Variants in DGKD observed in about 807,000 individuals in gnomAD.
The protein encoded by DGKD is diacylglycerol kinase delta, also known as DAG kinase delta.
Under a neutral mutation model 154.4 loss-of-function variants are expected in DGKD, and 68 were observed. The observed-to-expected ratio is 0.44, with a 90% confidence interval of 0.36 to 0.54. The LOEUF (loss-of-function observed/expected upper bound fraction) is 0.54, where lower values mean the gene tolerates loss of function less well. Among genes scored for constraint, DGKD ranks in the 20% least tolerant of loss-of-function variants. The pLI is 0.00. For synonymous variants in DGKD, 693 were observed against 638.0 expected (o/e 1.09, Z -1.30); for missense variants, 1,343 against 1,593.6 (o/e 0.84, Z 2.68).
chr2:233,388,592 C>G, intron 2 of DGKD: 1 of 412,192 alleles, frequency 2.4e-6, no homozygotes, highest in East Asian at 3.9e-5. Context: ...TTAATGTCAT[C>G]GGTAATGGGG....
In DGKD at chr2:233,354,562, C is replaced by G. The variant is rs776523076; in HGVS notation, c.44C>G (p.Pro15Arg). ...AGAPPPGPPQPPPPPPPEESS... is the reference protein window; with the variant it reads ...AGAPPPGPPQRPPPPPPEESS... ...GCCCCTCCGCCGGGTCCCCCGCAAC[C>G]GCCTCCGCCGCCGCCGCCCGAGGAG... The change falls in exon 1 of 30, where the codon CCG becomes CGG. Residue 15 changes from proline to arginine, a missense_variant. Physicochemically the swap from Pro to Arg is moderately radical, Grantham distance 103. This residue lies in a region of DGKD where 57 missense variants were observed against 27.8 expected (regional missense o/e 2.05). Coordinates refer to ENST00000264057, the MANE Select transcript of DGKD (RefSeq NM_152879.3). The surrounding 1 kb of genome is among the most constrained non-coding windows in gnomAD (Gnocchi z 4.8). The G allele has an allele frequency of 1.9e-6, 2 of 1,055,254 alleles. No homozygotes were observed. The allele number at this position is 1,055,254 out of a possible 1,614,324, so 65.4% of individuals were successfully genotyped here.
chr2:233,409,979 GTTTTC>G (rs1244617980), intron 3 of DGKD, among the ~76,000 whole-genome samples: 2 of 151,792 alleles, frequency 1.3e-5, no homozygotes, highest in African/African-American at 2.4e-5. Flanking sequence ...AGTCGATGCT[GTTTTC>G]TTTTCTTTTT....
intron 7 of DGKD, 54 bp from the exon 8 acceptor site, chr2:233,437,323 G>C (rs2062730819): frequency 7.9e-6 from 12 of 1,521,240 alleles, no homozygotes; most frequent in Non-Finnish European, 1.1e-5. Context: ...GAGGATTTCT[G>C]GTGTGTGTGA....
intron 1 of DGKD, among the ~76,000 whole-genome samples, chr2:233,368,658 C>T (rs1194588988): frequency 6.6e-6 from 1 of 152,178 alleles, no homozygotes; most frequent in Non-Finnish European, 1.5e-5. Context: ...CCAGTAGAGG[C>T]AAATGTTTCT....
chr2:233,403,688 G>A (rs1013161138), intron 3 of DGKD, among the ~76,000 whole-genome samples: 3 of 151,428 alleles, frequency 2.0e-5, no homozygotes, highest in Admixed American at 2.0e-4. Flanking sequence ...TGCCCAGGCC[G>A]GAGTGTAGTG....
At chr2:233,420,740 G>C (rs945162743) in intron 3 of DGKD, among the ~76,000 whole-genome samples, 2 of 152,220 alleles carry the variant, frequency 1.3e-5, no homozygotes, top group Non-Finnish European at 2.9e-5. Flanking sequence ...TCTGGGGAAC[G>C]AGGCATGAAC....
rs2063330464 is a variant in DGKD, at chr2:233,452,614, C to T, written c.2264+554C>T. Among the ~76,000 whole-genome samples, 1 of 152,190 alleles carries T rather than the reference C, an allele frequency of 6.6e-6. No homozygotes were observed. The highest frequency in any genetic ancestry group is 2.4e-5 in the African/African-American group (1 of 41,444). On this transcript the variant is annotated intron_variant, in intron 18 of 29. Transcript: ENST00000264057. The surrounding 1 kb of genome is among the most constrained non-coding windows in gnomAD (Gnocchi z 4.0). Reference sequence around the variant, plus strand: ...GTGCTGAGGCTTATAAGGGCTGCTGCGTGCCTGCGTGCTGATACTGCTACT... The same window carrying T: ...GTGCTGAGGCTTATAAGGGCTGCTGTGTGCCTGCGTGCTGATACTGCTACT...
Position 233,471,719 on chromosome 2 carries a change from A to G in DGKD, c.*2259A>G, listed in dbSNP as rs1047125014. 6.6e-6 allele frequency: 1 copy of G among 152,388 alleles called. No individual in the cohort carries two copies. The highest frequency in any genetic ancestry group is 1.5e-5 in the Non-Finnish European group (1 of 68,040). 9.4% of individuals were successfully genotyped at this position (152,388 alleles called of 1,614,324 possible). On this transcript the variant is annotated 3_prime_UTR_variant, in exon 30 of 30. Coordinates refer to ENST00000264057, the MANE Select transcript of DGKD (RefSeq NM_152879.3). ...ACATAAAAACCATTTTTCTAATTCT[A>G]ACAAGTTAGAATGTGAGGAAGGAAT...
At position 233,470,440 on chromosome 2, in the gene DGKD, C is replaced by T. The variant is rs2971871; in HGVS notation, c.*980C>T. 27,891 of 152,444 alleles carry T rather than the reference C, an allele frequency of 0.18. 2,593 individuals are homozygous for T. The highest frequency in any genetic ancestry group is 0.2 in the Non-Finnish European group (13,803 of 68,158). The allele number at this position is 152,444 out of a possible 1,614,324, so 9.4% of individuals were successfully genotyped here. ...GGTGGCCTGGAGGCCGGAGGCTCTC[C>T]TGAGTGTCTGCCCCTGCAGTGGCTT... is the stretch of plus-strand genomic sequence containing the variant. On this transcript the variant is annotated 3_prime_UTR_variant, in exon 30 of 30. Coordinates refer to ENST00000264057, the MANE Select transcript of DGKD (RefSeq NM_152879.3).
rs1012320260 is a variant in DGKD, at chr2:233,399,357, G to T, written c.348+8874G>T. 3.3e-5 allele frequency among the ~76,000 whole-genome samples: 5 copies of T among 152,336 alleles called. No individual in the cohort carries two copies. In the South Asian group the frequency reaches 1.0e-3, roughly 32 times the overall value. On this transcript the variant is annotated intron_variant, in intron 3 of 29. Transcript: ENST00000264057. ...AATGATTTGGGCCCTGCCCCTCATT[G>T]TTCGGCTCTGCAGGAAGCTTCCTGG...
intron 2 of DGKD, 101 bp downstream of exon 2, chr2:233,388,468 C>G: frequency 1.7e-6 from 2 of 1,164,236 alleles, no homozygotes; most frequent in Non-Finnish European, 2.4e-6. Context: ...AGCTTCAATT[C>G]TCAGATCTGT....
chr2:233,438,302 G>A lies in DGKD; in HGVS notation c.1008G>A (p.Val336=). 6.2e-7 allele frequency: 1 copy of A among 1,614,204 alleles called. No homozygotes were observed. The highest frequency in any genetic ancestry group is 2.2e-5 in the East Asian group (1 of 44,886). The stretch of plus-strand genomic sequence containing the variant: ...CAAAAAGTGGGGACAACCAGGGTGT[G>A]AAGTTCCTCAGAAGATTCAAACAGC... ...VNSKSGDNQG[V]KFLRRFKQLL... Residue 336 remains valine (V), a synonymous_variant, in exon 9 of 30, where the codon GTG becomes GTA. Coordinates refer to ENST00000264057, the MANE Select transcript of DGKD (RefSeq NM_152879.3). This position sits in a 1 kb window ranked among gnomAD's most constrained non-coding sequence, Gnocchi z 4.1.
intron 1 of DGKD, among the ~76,000 whole-genome samples, chr2:233,371,982 T>G (rs184433150): frequency 6.6e-5 from 10 of 152,354 alleles, no homozygotes; most frequent in African/African-American, 2.4e-4. Context: ...TATCTGCATT[T>G]CAGAATTTTT....
chr2:233,450,909 TG>T lies in DGKD; in HGVS notation c.2039-12del, dbSNP rs2063263126. 1 of 1,592,526 alleles carries T rather than the reference TG, an allele frequency of 6.3e-7. No individual in the cohort carries two copies. On this transcript the variant is annotated splice_polypyrimidine_tract_variant and intron_variant, in intron 16 of 29. Coordinates refer to ENST00000264057, the MANE Select transcript of DGKD (RefSeq NM_152879.3). ...TCCACACAGCTGTAAGGTTTTCTGC[TG>T]TGTTGTTACAGTGTCGAAATCTCCG...
At chr2:233,429,582 C>T (rs2062438050) in intron 3 of DGKD, among the ~76,000 whole-genome samples, 1 of 152,204 alleles carries the variant, frequency 6.6e-6, no homozygotes, top group Non-Finnish European at 1.5e-5. Context: ...CCTCTCCACG[C>T]TGTGAGTTCT....
intron 24 of DGKD, among the ~76,000 whole-genome samples, chr2:233,460,802 G>C (rs1053454983): frequency 6.6e-6 from 1 of 152,116 alleles, no homozygotes; most frequent in Non-Finnish European, 1.5e-5. Context: ...TGAAGCAGCA[G>C]AATCAGTCGA....
In DGKD at chr2:233,467,005, C is replaced by G; in HGVS notation, c.3307-81C>G. 8 of 1,172,002 alleles carry G rather than the reference C, an allele frequency of 6.8e-6. No homozygotes were observed. In the South Asian group the frequency reaches 9.9e-5, roughly 14 times the overall value. The allele number at this position is 1,172,002 out of a possible 1,614,324, so 72.6% of individuals were successfully genotyped here. A position where few individuals can be genotyped will look rare whatever the true frequency, so the allele number is the denominator to read the frequency against. On this transcript the variant is annotated intron_variant, in intron 27 of 29. Coordinates refer to ENST00000264057, the MANE Select transcript of DGKD (RefSeq NM_152879.3). ...CGCTCATCTCAGCCCTGCCTGCCCT[C>G]CCAGCCTCTCTGGTGGAGATGGGCA...
intron 3 of DGKD, among the ~76,000 whole-genome samples, chr2:233,391,086 A>C (rs1703574955): frequency 6.6e-6 from 1 of 152,236 alleles, no homozygotes; most frequent in African/African-American, 2.4e-5. Flanking sequence ...ATTAATGTAG[A>C]AAATTTGGAA....
In DGKD at chr2:233,434,502, C is replaced by A; in HGVS notation, c.453+18C>A. The A allele has an allele frequency of 6.2e-7, 1 of 1,608,108 alleles. No individual in the cohort carries two copies. Among genetic ancestry groups the A allele is most frequent in the South Asian group, 1.1e-5 (1 of 90,934 alleles). On this transcript the variant is annotated intron_variant, in intron 4 of 29. Transcript: ENST00000264057. ...ACTTTGAGGTTAAAAAAGAAAATAC[C>A]CTTCTCCAAATGCCTCCTGTTGCCT...
Sources: gnomAD v4.1 joint callset for allele counts (sites outside exome capture counted in the v4.1 genomes callset) on GRCh38, gnomAD v4.1.1 for gene constraint, gnomAD v4.1.1 regional missense constraint, Gnocchi (gnomAD v3.1) non-coding constraint, MANE v1.5 for transcripts, NCBI Gene and HGNC (gene_info 2026-07-23, HGNC 2026-07-21) for gene names.